Variants in THAP12 observed in about 807,000 individuals in gnomAD.
THAP12 encodes 52 kDa repressor of the inhibitor of the protein kinase.
Under a neutral mutation model 63.0 loss-of-function variants are expected in THAP12, and 20 were observed. The ratio of observed to expected loss-of-function variants is 0.32; its 90% confidence interval spans 0.22 to 0.46. The LOEUF (loss-of-function observed/expected upper bound fraction) is 0.46, where lower values mean the gene tolerates loss of function less well. Among genes scored for constraint, THAP12 ranks in the 20% least tolerant of loss-of-function variants. The pLI is 1.00. For missense variants in THAP12, 568 were observed against 908.2 expected (o/e 0.63, Z 4.81); for synonymous variants, 264 against 328.4 (o/e 0.80, Z 2.12).
intron 1 of THAP12, among the ~76,000 whole-genome samples, chr11:76,375,114 C>T (rs928003379): frequency 6.6e-6 from 1 of 152,216 alleles, no homozygotes; most frequent in African/African-American, 2.4e-5. Flanking sequence ...CAGAAAACCA[C>T]TGTTTTACAT....
intron 1 of THAP12, among the ~76,000 whole-genome samples, chr11:76,377,218 T>C (rs1287180917): frequency 6.6e-6 from 1 of 152,244 alleles, no homozygotes; most frequent in East Asian, 1.9e-4. Context: ...GTATATCCTA[T>C]TCTCTCTTCA....
chr11:76,378,596 T>C (rs1946727224), intron 1 of THAP12, among the ~76,000 whole-genome samples: 1 of 151,518 alleles, frequency 6.6e-6, no homozygotes, highest in Admixed American at 6.6e-5. Context: ...AAGACATCTA[T>C]TCTTTTTTTT....
chr11:76,354,863 T>C (rs903942567), intron 4 of THAP12, among the ~76,000 whole-genome samples: 1 of 152,212 alleles, frequency 6.6e-6, no homozygotes, highest in Non-Finnish European at 1.5e-5. Context: ...AAAATGAGTG[T>C]AGTTCCCCAA....
intron 1 of THAP12, among the ~76,000 whole-genome samples, chr11:76,376,356 T>A (rs1946710280): frequency 6.6e-6 from 1 of 152,200 alleles, no homozygotes; most frequent in South Asian, 2.1e-4. Flanking sequence ...AGTCTAACGT[T>A]GAAAAGGGCA....
chr11:76,378,400 G>A lies in THAP12; in HGVS notation c.89+2348C>T, dbSNP rs534055431. Among the ~76,000 whole-genome samples, 70 of 152,268 alleles carry A rather than the reference G, an allele frequency of 4.6e-4. 1 individual carries two copies. The highest frequency in any genetic ancestry group is 1.6e-3 in the African/African-American group (68 of 41,550). ...AGACTGTGCCACTGCACTGCAGCCT[G>A]GGCAACAGAGTGAGACTCTCAAAAA... On this transcript the variant is annotated intron_variant, in intron 1 of 4. Transcript: ENST00000260045.
chr11:76,364,548 C>T (rs893099980), intron 2 of THAP12: 1 of 232,488 alleles, frequency 4.3e-6, no homozygotes, highest in African/African-American at 2.4e-5. Context: ...AACAAGTCTG[C>T]TTCATTTCAA....
In THAP12 at chr11:76,351,987, C is replaced by T; in HGVS notation, c.1163G>A (p.Cys388Tyr). The T allele has an allele frequency of 6.2e-7, 1 of 1,606,250 alleles. No individual in the cohort carries two copies. Among genetic ancestry groups the T allele is most frequent in the Non-Finnish European group, 8.5e-7 (1 of 1,177,900 alleles). ...SVALGTIEEV[C>Y]SFFHRSPQLL... The stretch of plus-strand genomic sequence containing the variant: ...TTGTGGTGATCGATGGAAAAAAGAA[C>T]AAACTTCCTCAATTGTTCCTAATGC... The change falls in exon 5 of 5, where the codon TGT becomes TAT. Residue 388 changes from cysteine (C) to tyrosine (Y), a missense_variant. Cys to Tyr is a radical substitution (Grantham distance 194). Transcript: ENST00000260045.
chr11:76,364,962 T>C (rs1283775048), intron 2 of THAP12, among the ~76,000 whole-genome samples: 2 of 152,178 alleles, frequency 1.3e-5, no homozygotes, highest in African/African-American at 4.8e-5. Context: ...TCTAAAATTT[T>C]CCTGAAGACT....
intron 3 of THAP12, chr11:76,357,917 G>A (rs1946572086): frequency 6.6e-6 from 1 of 152,060 alleles, no homozygotes; most frequent in South Asian, 2.1e-4. Context: ...GCTAGAAAAA[G>A]AGTCAAAAAA....
At chr11:76,359,273 CAAAA>C (rs1324690121) in intron 3 of THAP12, 1 of 152,056 alleles carries the variant, frequency 6.6e-6, no homozygotes, top group Non-Finnish European at 1.5e-5. Context: ...ATATTCTTTT[CAAAA>C]AACTAGTATT....
rs1946519790 is a variant in THAP12, at chr11:76,350,710, A to C, written c.*154T>G. The C allele has an allele frequency of 1.7e-6, 1 of 582,604 alleles. No individual in the cohort carries two copies. The allele number at this position is 582,604 out of a possible 1,614,324, so 36.1% of individuals were successfully genotyped here. A position where few individuals can be genotyped will look rare whatever the true frequency, so the allele number is the denominator to read the frequency against. On this transcript the variant is annotated 3_prime_UTR_variant, in exon 5 of 5. Transcript: ENST00000260045. ...GTAGGTCTTCAAAGCTTGAGAGTTCAAACAGGGGCCATTTAAACAGGTAGA... is the reference window on the plus strand; with the variant it reads ...GTAGGTCTTCAAAGCTTGAGAGTTCCAACAGGGGCCATTTAAACAGGTAGA...
At chr11:76,367,458 T>G (rs1015721385) in intron 1 of THAP12, among the ~76,000 whole-genome samples, 2 of 152,074 alleles carry the variant, frequency 1.3e-5, no homozygotes, top group African/African-American at 2.4e-5. Flanking sequence ...TGTCTTGCTC[T>G]TTAGCCCAGG....
intron 1 of THAP12, among the ~76,000 whole-genome samples, chr11:76,369,903 G>T (rs767856336): frequency 6.6e-6 from 1 of 152,256 alleles, no homozygotes; most frequent in Non-Finnish European, 1.5e-5. Flanking sequence ...TCATGATCCA[G>T]ATGTGTATCC....
chr11:76,375,953 A>C (rs575178566), intron 1 of THAP12, among the ~76,000 whole-genome samples: 7 of 152,358 alleles, frequency 4.6e-5, no homozygotes, highest in African/African-American at 1.7e-4. Flanking sequence ...CAAGCCAGAC[A>C]TAAAAGGAGA....
chr11:76,361,527 G>A (rs1946597796), intron 2 of THAP12, among the ~76,000 whole-genome samples: 1 of 152,196 alleles, frequency 6.6e-6, no homozygotes, highest in South Asian at 2.1e-4. Flanking sequence ...CTGGGACCCA[G>A]GAGACCTAGG....
Position 76,360,828 on chromosome 11 carries a change from C to T in THAP12, c.318+128G>A. ...CATCTAGGCTATTTAACAACCATAA[C>T]ATTTATTTCCCGTTACATTACCTCT... is the stretch of plus-strand genomic sequence containing the variant. On this transcript the variant is annotated intron_variant, in intron 3 of 4. Coordinates refer to ENST00000260045, the MANE Select transcript of THAP12 (RefSeq NM_004705.4). The T allele has an allele frequency of 7.4e-6, 5 of 673,454 alleles. No individual in the cohort carries two copies. In the South Asian group the frequency reaches 9.6e-5, roughly 13 times the overall value. 41.7% of individuals were successfully genotyped at this position (673,454 alleles called of 1,614,324 possible). A position where few individuals can be genotyped will look rare whatever the true frequency, so the allele number is the denominator to read the frequency against.
At chr11:76,367,918 T>C (rs924942476) in intron 1 of THAP12, among the ~76,000 whole-genome samples, 35 of 152,236 alleles carry the variant, frequency 2.3e-4, no homozygotes, top group African/African-American at 8.0e-4. Context: ...CAAGTATTAC[T>C]GCTCACAGTA....
rs889384955 is a variant in THAP12, at chr11:76,350,316, T to G, written c.*548A>C. 6.6e-6 allele frequency: 1 copy of G among 152,386 alleles called. No individual in the cohort carries two copies. Among genetic ancestry groups the G allele is most frequent in the Non-Finnish European group, 1.5e-5 (1 of 68,044 alleles). The allele number at this position is 152,386 out of a possible 1,614,324, so 9.4% of individuals were successfully genotyped here. A position where few individuals can be genotyped will look rare whatever the true frequency, so the allele number is the denominator to read the frequency against. ...ACAGCAGGCTTTTCCATTCAAACTT[T>G]GTCATTTGTTTCTTTAAGTTCAAGA... On this transcript the variant is annotated 3_prime_UTR_variant, in exon 5 of 5. Transcript: ENST00000260045.
intron 1 of THAP12, among the ~76,000 whole-genome samples, chr11:76,371,647 C>T (rs1946675025): frequency 6.6e-6 from 1 of 151,988 alleles, no homozygotes; most frequent in African/African-American, 2.4e-5. Flanking sequence ...TCCATTTGGA[C>T]TGCATCCACT....
Sources: allele counts gnomAD v4.1 joint callset (sites outside exome capture counted in the v4.1 genomes callset), GRCh38; gene constraint gnomAD v4.1.1; transcripts MANE v1.5; gene names NCBI Gene and HGNC (gene_info 2026-07-23, HGNC 2026-07-21).